ARHGAP28: variants seen among roughly 807,000 people sequenced by gnomAD.
The protein encoded by ARHGAP28 is Rho GTPase activating protein 28, also known as rho GTPase-activating protein 28.
A neutral mutation model predicts 90.7 loss-of-function variants in ARHGAP28; 56 were observed. The ratio of observed to expected loss-of-function variants is 0.62; its 90% confidence interval spans 0.50 to 0.77. The LOEUF is 0.77. ARHGAP28 is among the 30% of genes least tolerant of loss of function. ARHGAP28 has a pLI of 0.00. For missense variants in ARHGAP28, 869 were observed against 900.9 expected (o/e 0.96, Z 0.45); for synonymous variants, 308 against 323.3 (o/e 0.95, Z 0.51).
chr18:6,800,785 C>T (rs2056476279), intron 1 of ARHGAP28, among the ~76,000 whole-genome samples: 3 of 152,114 alleles, frequency 2.0e-5, no homozygotes, highest in Non-Finnish European at 4.4e-5. Flanking sequence ...GTGCAGCAAA[C>T]CACCATGGCA....
At chr18:6,867,194 A>G (rs1196708561) in intron 5 of ARHGAP28, among the ~76,000 whole-genome samples, 2 of 152,218 alleles carry the variant, frequency 1.3e-5, no homozygotes, top group Non-Finnish European at 2.9e-5. Flanking sequence ...TAAAATAGGA[A>G]TAAAAGGAGA....
chr18:6,826,832 CG>C (rs1314358295), intron 2 of ARHGAP28, among the ~76,000 whole-genome samples: 1 of 151,954 alleles, frequency 6.6e-6, no homozygotes, highest in Non-Finnish European at 1.5e-5. Context: ...GAGGACCCTG[CG>C]GCCTTCCGCA....
intron 10 of ARHGAP28, among the ~76,000 whole-genome samples, chr18:6,878,308 A>G (rs1600278004): frequency 7.3e-6 from 1 of 136,614 alleles, no homozygotes; most frequent in East Asian, 2.2e-4. Context: ...GAACACATGG[A>G]CACAGGAAGG....
chr18:6,910,750 T>A (rs1049938513), intron 17 of ARHGAP28, among the ~76,000 whole-genome samples: 3 of 152,150 alleles, frequency 2.0e-5, no homozygotes, highest in African/African-American at 7.2e-5. Context: ...CCTAGAATAG[T>A]GCCTGGCGCA....
At chr18:6,851,674 A>T (rs1041270683) in intron 4 of ARHGAP28, among the ~76,000 whole-genome samples, 4 of 151,120 alleles carry the variant, frequency 2.6e-5, no homozygotes, top group African/African-American at 9.9e-5. Context: ...GTAAATGGAT[A>T]AAAAAAATTG....
intron 2 of ARHGAP28, 122 bp downstream of exon 2, chr18:6,825,086 C>A: frequency 3.2e-6 from 3 of 939,180 alleles, no homozygotes; most frequent in Non-Finnish European, 3.1e-6. Context: ...TAGAATCTGG[C>A]ATATTGATGA....
At chr18:6,880,322 C>G (rs1301176203) in intron 10 of ARHGAP28, among the ~76,000 whole-genome samples, 1 of 152,164 alleles carries the variant, frequency 6.6e-6, no homozygotes, top group Non-Finnish European at 1.5e-5. Context: ...CCTCTCCTTT[C>G]TATCCTACAA....
At chr18:6,766,953 G>A (rs1485526401) in intron 1 of ARHGAP28, among the ~76,000 whole-genome samples, 1 of 152,186 alleles carries the variant, frequency 6.6e-6, no homozygotes, top group African/African-American at 2.4e-5. Context: ...TCTTTCTGAA[G>A]TGTGAAGACA....
chr18:6,752,639 C>A (rs1051032653), intron 1 of ARHGAP28, among the ~76,000 whole-genome samples: 1 of 151,826 alleles, frequency 6.6e-6, no homozygotes, highest in Admixed American at 6.6e-5. Context: ...TGAGAAAGAC[C>A]ATGTCTAAGG....
intron 1 of ARHGAP28, among the ~76,000 whole-genome samples, chr18:6,781,524 C>T (rs552281628): frequency 1.2e-4 from 18 of 152,290 alleles, no homozygotes; most frequent in African/African-American, 1.9e-4. Flanking sequence ...CACTCCCCAG[C>T]GGGAGCGGGA....
intron 4 of ARHGAP28, among the ~76,000 whole-genome samples, chr18:6,856,427 A>C (rs972878084): frequency 6.6e-6 from 1 of 152,144 alleles, no homozygotes; most frequent in Non-Finnish European, 1.5e-5. Flanking sequence ...AATAATTTTT[A>C]TGTTTTCTTA....
At chr18:6,775,046 G>T (rs956502998) in intron 1 of ARHGAP28, among the ~76,000 whole-genome samples, 1 of 152,176 alleles carries the variant, frequency 6.6e-6, no homozygotes, top group Non-Finnish European at 1.5e-5. Context: ...ACAAATGTGT[G>T]CTCTTCCCAG....
At position 6,859,523 on chromosome 18, in the gene ARHGAP28, G is replaced by T. The variant is rs540769699; in HGVS notation, c.637-285G>T. On this transcript the variant is annotated intron_variant, in intron 4 of 17. Coordinates refer to ENST00000383472, the MANE Select transcript of ARHGAP28 (RefSeq NM_001366230.1). Reference sequence around the variant, plus strand: ...AATGAGCCTGGAAATCAGGTTTTTTGATTTACCCCAATTCCCTGGAACAAA... The same window carrying T: ...AATGAGCCTGGAAATCAGGTTTTTTTATTTACCCCAATTCCCTGGAACAAA... Among the ~76,000 whole-genome samples the T allele has an allele frequency of 1.0e-3, 152 of 152,240 alleles. 1 individual carries two copies. Among genetic ancestry groups the T allele is most frequent in the African/African-American group, 3.4e-3 (143 of 41,558 alleles).
chr18:6,730,102 C>CT (rs1486190187), intron 1 of ARHGAP28, 159 bp downstream of exon 1: 3 of 748,480 alleles, frequency 4.0e-6, no homozygotes, highest in Non-Finnish European at 5.6e-6. Context: ...TTTGCATTGT[C>CT]TTTGACTGGA....
At chr18:6,775,489 T>A (rs909957562) in intron 1 of ARHGAP28, among the ~76,000 whole-genome samples, 1 of 152,010 alleles carries the variant, frequency 6.6e-6, no homozygotes, top group Non-Finnish European at 1.5e-5. Flanking sequence ...GTTTTCATAG[T>A]GTGTGGTGGA....
At chr18:6,882,077 G>A in intron 10 of ARHGAP28, 60 bp from the exon 11 acceptor site, 1 of 1,498,730 alleles carries the variant, frequency 6.7e-7, no homozygotes, top group East Asian at 2.3e-5. Context: ...TTTTCGAAGG[G>A]GAAAATGGGG....
At chr18:6,782,456 C>A (rs866297322) in intron 1 of ARHGAP28, among the ~76,000 whole-genome samples, 1 of 151,808 alleles carries the variant, frequency 6.6e-6, no homozygotes, top group African/African-American at 2.4e-5. Context: ...CTCACTCTGT[C>A]ACCCAGGCTG....
At position 6,777,745 on chromosome 18, in the gene ARHGAP28, AAT is replaced by A. The variant is rs1445544699; in HGVS notation, c.123-47016_123-47015del. ...GTCTCAATGAATGAATGAATGAATGAATGAGTGAATGAATGAATGAATGAATA... is the reference window on the plus strand; with the variant it reads ...GTCTCAATGAATGAATGAATGAATGAGAGTGAATGAATGAATGAATGAATA... On this transcript the variant is annotated intron_variant, in intron 1 of 17. Coordinates refer to ENST00000383472, the MANE Select transcript of ARHGAP28 (RefSeq NM_001366230.1). Among the ~76,000 whole-genome samples, 53 of 150,744 alleles carry A rather than the reference AAT, an allele frequency of 3.5e-4. 1 individual carries two copies. Among genetic ancestry groups the A allele is most frequent in the African/African-American group, 1.0e-3 (43 of 41,470 alleles).
chr18:6,888,965 G>A (rs1468416484), intron 12 of ARHGAP28, among the ~76,000 whole-genome samples: 2 of 152,138 alleles, frequency 1.3e-5, no homozygotes, highest in Non-Finnish European at 2.9e-5. Flanking sequence ...CTGCTCAGCC[G>A]CACTCCACCT....
Sources: allele counts gnomAD v4.1 joint callset (sites outside exome capture counted in the v4.1 genomes callset), GRCh38; gene constraint gnomAD v4.1.1; transcripts MANE v1.5; gene names NCBI Gene and HGNC (gene_info 2026-07-23, HGNC 2026-07-21).